CNTNAP5: variants seen among roughly 807,000 people sequenced by gnomAD.
CNTNAP5 encodes the protein contactin-associated protein-like 5.
CNTNAP5 carries 72 observed loss-of-function variants against 150.2 expected under a neutral mutation model. That is an observed-to-expected ratio of 0.48 (90% CI 0.40 to 0.58). The LOEUF is 0.58. Ranked by LOEUF, CNTNAP5 falls within the 20% of genes least tolerant of loss-of-function variation. The pLI, the probability that CNTNAP5 is intolerant of heterozygous loss-of-function variation, is 0.00. For synonymous variants in CNTNAP5, 672 were observed against 619.8 expected, an observed-to-expected ratio of 1.08 and a Z score of -1.25; for missense variants, 1,636 against 1,626.2, an observed-to-expected ratio of 1.01 and a Z score of -0.10.
intron 10 of CNTNAP5, among the ~76,000 whole-genome samples, chr2:124,545,584 G>C (rs988915321): frequency 1.3e-5 from 2 of 152,082 alleles, no homozygotes; most frequent in Admixed American, 1.3e-4. Context: ...TCTCTTGTCA[G>C]TTTGCTTGCA....
intron 13 of CNTNAP5, among the ~76,000 whole-genome samples, chr2:124,687,334 A>G (rs1188598702): frequency 6.6e-6 from 1 of 151,872 alleles, no homozygotes; most frequent in African/African-American, 2.4e-5. Flanking sequence ...TCACTTAACA[A>G]CCACCCAATT....
chr2:124,592,319 T>C (rs1361789239), intron 11 of CNTNAP5, among the ~76,000 whole-genome samples: 4 of 152,088 alleles, frequency 2.6e-5, no homozygotes, highest in Non-Finnish European at 4.4e-5. Context: ...AGGATTTGTA[T>C]GATTTTTGCA....
chr2:124,060,378 A>C (rs1681975373), intron 1 of CNTNAP5, among the ~76,000 whole-genome samples: 1 of 152,244 alleles, frequency 6.6e-6, no homozygotes, highest in African/African-American at 2.4e-5. Flanking sequence ...AGGTAAAAAC[A>C]GATTGGGGGA....
At chr2:124,220,020 AT>A (rs1452687990) in intron 1 of CNTNAP5, among the ~76,000 whole-genome samples, 1 of 152,068 alleles carries the variant, frequency 6.6e-6, no homozygotes, top group African/African-American at 2.4e-5. Flanking sequence ...TTGCCAGTTG[AT>A]TTTTTAATAC....
intron 12 of CNTNAP5, among the ~76,000 whole-genome samples, chr2:124,631,349 G>C (rs985841577): frequency 6.6e-6 from 1 of 151,930 alleles, no homozygotes; most frequent in Non-Finnish European, 1.5e-5. Flanking sequence ...AGTAAACAAA[G>C]CAATATGGTA....
chr2:124,286,144 C>T (rs760577572), intron 3 of CNTNAP5, among the ~76,000 whole-genome samples: 58 of 152,118 alleles, frequency 3.8e-4, no homozygotes, highest in Admixed American at 4.6e-4. Flanking sequence ...AACCAAAAGC[C>T]GGAAAGGTAA....
At chr2:124,532,597 G>A (rs915684606) in intron 10 of CNTNAP5, among the ~76,000 whole-genome samples, 1 of 152,184 alleles carries the variant, frequency 6.6e-6, no homozygotes, top group Non-Finnish European at 1.5e-5. Context: ...TCTGAGGTGG[G>A]GAGAAGCAGA....
intron 3 of CNTNAP5, among the ~76,000 whole-genome samples, chr2:124,328,658 T>C (rs936924013): frequency 6.6e-6 from 1 of 152,248 alleles, no homozygotes; most frequent in African/African-American, 2.4e-5. Flanking sequence ...AAGTATGCGA[T>C]GTCTCTGGGA....
chr2:124,904,837 TGACACC>T (rs1678497614), intron 22 of CNTNAP5, among the ~76,000 whole-genome samples: 1 of 151,746 alleles, frequency 6.6e-6, no homozygotes, highest in African/African-American at 2.4e-5. Flanking sequence ...TATGTTTACA[TGACACC>T]AAAAGTATGA....
rs137918578 is a variant in CNTNAP5, at chr2:124,868,429, T to C, written c.3349-1246T>C. On this transcript the variant is annotated intron_variant, in intron 20 of 23. Coordinates refer to ENST00000682447, the MANE Select transcript of CNTNAP5 (RefSeq NM_001367498.1). ...CTTGGACTCACTGCTTTGCCTAGGA[T>C]GCTATTCTTTATATATACTCATGTC... Among the ~76,000 whole-genome samples the C allele has an allele frequency of 2.5e-3, 379 of 152,294 alleles. 2 individuals are homozygous for C. Among genetic ancestry groups the C allele is most frequent in the African/African-American group, 8.7e-3 (362 of 41,572 alleles).
At chr2:124,337,890 G>GC (rs1447825999) in intron 3 of CNTNAP5, among the ~76,000 whole-genome samples, 2 of 152,086 alleles carry the variant, frequency 1.3e-5, no homozygotes, top group African/African-American at 4.8e-5. Context: ...CTTTAAAGTA[G>GC]TTTTTTCCAA....
intron 1 of CNTNAP5, among the ~76,000 whole-genome samples, chr2:124,092,503 C>A (rs1351794393): frequency 6.6e-6 from 1 of 152,138 alleles, no homozygotes; most frequent in Non-Finnish European, 1.5e-5. Context: ...GTACTTTAAT[C>A]CTTTCAATGT....
intron 21 of CNTNAP5, among the ~76,000 whole-genome samples, chr2:124,886,745 T>C (rs1484480818): frequency 1.3e-5 from 2 of 152,018 alleles, no homozygotes; most frequent in Admixed American, 6.6e-5. Flanking sequence ...TCTTATGATA[T>C]TTTATACTTT....
intron 3 of CNTNAP5, among the ~76,000 whole-genome samples, chr2:124,360,134 C>CT (rs1228191241): frequency 7.6e-5 from 11 of 145,582 alleles, no homozygotes; most frequent in Admixed American, 7.0e-4. Flanking sequence ...CAACCCCTGC[C>CT]TTTTTTTGTT....
At chr2:124,715,965 G>A (rs1036478015) in intron 13 of CNTNAP5, among the ~76,000 whole-genome samples, 1 of 152,020 alleles carries the variant, frequency 6.6e-6, no homozygotes, top group Admixed American at 6.6e-5. Context: ...ACCAAAAAGC[G>A]AGTGTACAAC....
chr2:124,701,515 G>T lies in CNTNAP5; in HGVS notation c.2078-45714G>T, dbSNP rs187324170. 2.2e-3 allele frequency among the ~76,000 whole-genome samples: 337 copies of T among 152,270 alleles called. 1 individual carries two copies. The highest frequency in any genetic ancestry group is 2.4e-3 in the Non-Finnish European group (163 of 68,000). ...AGATCAGACATCTTTATGAGATGGT[G>T]ATTCCATTTCTTTTGGGGGTATGCA... On this transcript the variant is annotated intron_variant, in intron 13 of 23. Coordinates refer to ENST00000682447, the MANE Select transcript of CNTNAP5 (RefSeq NM_001367498.1).
intron 13 of CNTNAP5, among the ~76,000 whole-genome samples, chr2:124,670,793 T>C (rs1678808609): frequency 6.6e-6 from 1 of 152,192 alleles, no homozygotes; most frequent in Non-Finnish European, 1.5e-5. Flanking sequence ...AATAGAACCT[T>C]CTTAGCAAGC....
chr2:124,265,893 G>A (rs189498455), intron 3 of CNTNAP5, among the ~76,000 whole-genome samples: 48 of 152,050 alleles, frequency 3.2e-4, no homozygotes, highest in Non-Finnish European at 4.9e-4. Flanking sequence ...ACCTCCAAGC[G>A]GATAATTCAG....
intron 3 of CNTNAP5, among the ~76,000 whole-genome samples, chr2:124,254,343 C>A (rs760376569): frequency 6.6e-6 from 1 of 152,168 alleles, no homozygotes; most frequent in Non-Finnish European, 1.5e-5. Flanking sequence ...AGGCCTGAGG[C>A]ATTTGCAAAT....
Sources: gnomAD v4.1 joint callset for allele counts (sites outside exome capture counted in the v4.1 genomes callset) on GRCh38, gnomAD v4.1.1 for gene constraint, MANE v1.5 for transcripts, NCBI Gene and HGNC (gene_info 2026-07-23, HGNC 2026-07-21) for gene names.